PCDHA1: variants seen among roughly 807,000 people sequenced by gnomAD.
PCDHA1 encodes protocadherin alpha 1.
PCDHA1 carries 42 observed loss-of-function variants against 61.3 expected under a neutral mutation model. The observed-to-expected ratio is 0.69, with a 90% confidence interval of 0.54 to 0.89. PCDHA1 has a LOEUF of 0.89. Ranked by LOEUF, PCDHA1 falls within the 40% of genes least tolerant of loss-of-function variation. PCDHA1 has a pLI of 0.00. For synonymous variants in PCDHA1, 610 were observed against 553.8 expected, an observed-to-expected ratio of 1.10 and a Z score of -1.43; for missense variants, 1,256 against 1,235.3, an observed-to-expected ratio of 1.02 and a Z score of -0.25.
At chr5:140,921,500 A>G (rs2080246724) in intron 1 of PCDHA1, among the ~76,000 whole-genome samples, 1 of 152,210 alleles carries the variant, frequency 6.6e-6, no homozygotes, top group Admixed American at 6.5e-5. Context: ...AGTTTATTAG[A>G]TAGTGCCTAA....
intron 1 of PCDHA1, among the ~76,000 whole-genome samples, chr5:140,975,842 T>C (rs1291239014): frequency 1.3e-5 from 2 of 152,210 alleles, no homozygotes; most frequent in Non-Finnish European, 2.9e-5. Context: ...TATTCTTCAG[T>C]AATACTACAT....
chr5:140,874,630 G>A (rs1299205823), intron 1 of PCDHA1, among the ~76,000 whole-genome samples: 2 of 152,212 alleles, frequency 1.3e-5, no homozygotes, highest in Non-Finnish European at 2.9e-5. Context: ...TTACATTAAA[G>A]TGCTTTACTT....
intron 1 of PCDHA1, among the ~76,000 whole-genome samples, chr5:140,941,202 C>CCTTTCTTCCTTCCTTTCTTT (rs1394736170): frequency 8.1e-5 from 10 of 122,740 alleles, no homozygotes; most frequent in African/African-American, 2.1e-4. Context: ...TTTCTTTCTT[C>CCTTTCTTCCTTCCTTTCTTT]CTTTCTTTCT....
At chr5:140,858,465 T>G in intron 1 of PCDHA1, 1 of 1,522,706 alleles carries the variant, frequency 6.6e-7, no homozygotes, top group African/African-American at 1.4e-5. Flanking sequence ...ATTTTCCTTT[T>G]GTGCTTTATG....
At chr5:140,951,326 T>C (rs2094571744) in intron 1 of PCDHA1, among the ~76,000 whole-genome samples, 1 of 152,158 alleles carries the variant, frequency 6.6e-6, no homozygotes, top group Admixed American at 6.5e-5. Context: ...TTGAGATTCA[T>C]CATTCTGTTT....
At chr5:140,918,268 A>T (rs1554198508) in intron 1 of PCDHA1, among the ~76,000 whole-genome samples, 2 of 152,084 alleles carry the variant, frequency 1.3e-5, no homozygotes. Context: ...TGGAGGTTTT[A>T]TCAGATGTAG....
chr5:140,822,990 G>A (rs1224032407), intron 1 of PCDHA1: 8 of 1,614,066 alleles, frequency 5.0e-6, no homozygotes, highest in Admixed American at 1.7e-5. Flanking sequence ...ATTACTACTC[G>A]TTGGTGCTGG....
At chr5:140,892,850 A>G (rs2063700618) in intron 1 of PCDHA1, among the ~76,000 whole-genome samples, 1 of 152,104 alleles carries the variant, frequency 6.6e-6, no homozygotes, top group Non-Finnish European at 1.5e-5. Flanking sequence ...ACCACAACCC[A>G]TTCCTCCTGT....
chr5:140,796,748 G>C (rs782287927), intron 1 of PCDHA1: 1 of 1,614,142 alleles, frequency 6.2e-7, no homozygotes, highest in Non-Finnish European at 8.5e-7. Context: ...GCGAAGGTGC[G>C]CGCAGTGGAC....
At chr5:140,910,067 G>A (rs868941459) in intron 1 of PCDHA1, among the ~76,000 whole-genome samples, 11 of 152,312 alleles carry the variant, frequency 7.2e-5, no homozygotes, top group Non-Finnish European at 1.3e-4. Context: ...TTTTAACAGC[G>A]TAAATTGTTG....
At chr5:140,980,616 G>A (rs2096898086) in intron 2 of PCDHA1, among the ~76,000 whole-genome samples, 4 of 151,912 alleles carry the variant, frequency 2.6e-5, no homozygotes, top group Admixed American at 2.0e-4. Context: ...GCGACAGTGC[G>A]AGACTCTGTC....
rs571034520 is a variant in PCDHA1 at position 140,922,140 on chromosome 5, A to G, written c.2395-56809A>G. ...CACCTTTAAATGTCTCTTATCCTCC[A>G]TGAAACTCATCAAAAACAACAAAAA... On this transcript the variant is annotated intron_variant, in intron 1 of 3. Coordinates refer to ENST00000504120, the MANE Select transcript of PCDHA1 (RefSeq NM_018900.4). Among the ~76,000 whole-genome samples the G allele has an allele frequency of 6.6e-5, 10 of 152,202 alleles. No individual in the cohort carries two copies. The East Asian group carries it at 1.9e-3, about 29-fold the overall frequency.
At chr5:140,849,085 G>A (rs2040774319) in intron 1 of PCDHA1, 2 of 1,513,328 alleles carry the variant, frequency 1.3e-6, no homozygotes, top group South Asian at 2.3e-5. Context: ...CTTGTATTAC[G>A]GAAACTTTTA....
chr5:140,955,220 A>T (rs1016918569), intron 1 of PCDHA1, among the ~76,000 whole-genome samples: 1 of 152,130 alleles, frequency 6.6e-6, no homozygotes, highest in Non-Finnish European at 1.5e-5. Flanking sequence ...TGATGCCTCC[A>T]GCTTTGTTCT....
chr5:140,841,793 T>G (rs1777495976), intron 1 of PCDHA1: 1 of 1,613,848 alleles, frequency 6.2e-7, no homozygotes. Flanking sequence ...AGAGGGCGCG[T>G]CCGATGCAGA....
At chr5:140,820,889 C>T (rs2150108237) in intron 1 of PCDHA1, among the ~76,000 whole-genome samples, 4 of 151,672 alleles carry the variant, frequency 2.6e-5, no homozygotes, top group Non-Finnish European at 5.9e-5. Flanking sequence ...AGTGCAAAGA[C>T]GATTTACCAA....
chr5:140,884,521 G>C (rs569278761), intron 1 of PCDHA1: 1 of 1,614,196 alleles, frequency 6.2e-7, no homozygotes, highest in African/African-American at 1.3e-5. Context: ...GGTCGTACTC[G>C]CAGCAGAGGC....
intron 1 of PCDHA1, among the ~76,000 whole-genome samples, chr5:140,943,736 A>G (rs913454195): frequency 3.3e-5 from 5 of 152,266 alleles, no homozygotes; most frequent in Non-Finnish European, 7.3e-5. Context: ...ATGAAAGTCC[A>G]CAGTCTAAAA....
At chr5:140,837,116 C>A (rs2150273189) in intron 1 of PCDHA1, 6 of 157,484 alleles carry the variant, frequency 3.8e-5, no homozygotes, top group Non-Finnish European at 8.4e-5. Context: ...TATATGTTAC[C>A]TAATATTTTA....
Sources: gnomAD v4.1 joint callset for allele counts (sites outside exome capture counted in the v4.1 genomes callset) on GRCh38, gnomAD v4.1.1 for gene constraint, MANE v1.5 for transcripts, NCBI Gene and HGNC (gene_info 2026-07-23, HGNC 2026-07-21) for gene names.